Variants in GALNT14 observed in about 807,000 individuals in gnomAD.
GALNT14 encodes the protein UDP-GalNAc:polypeptide N-acetylgalactosaminyltransferase 14.
GALNT14 carries 60 observed loss-of-function variants against 77.5 expected under a neutral mutation model. The ratio of observed to expected loss-of-function variants is 0.77; its 90% CI spans 0.63 to 0.96. GALNT14 has a LOEUF of 0.96. Ranked by LOEUF, GALNT14 falls within the 40% of genes least tolerant of loss-of-function variation. The pLI, the probability that GALNT14 is intolerant of heterozygous loss-of-function variation, is 0.00. For synonymous variants in GALNT14, 280 were observed against 281.7 expected (o/e 0.99, Z 0.06); for missense variants, 710 against 731.0 (o/e 0.97, Z 0.33).
intron 1 of GALNT14, among the ~76,000 whole-genome samples, chr2:31,094,793 G>A (rs1676921633): frequency 6.6e-6 from 1 of 152,142 alleles, no homozygotes; most frequent in Admixed American, 6.5e-5. Context: ...CCAGATGAGG[G>A]GCAGGGAATA....
chr2:30,940,097 G>A lies in GALNT14; in HGVS notation c.931+2104C>T, dbSNP rs1472689758. ...GGTGGGATAAAATGAAGTGTTCCCTGTGATAGCTGTTGGCAGTGCTTTTTT... is the reference window on the plus strand; with the variant it reads ...GGTGGGATAAAATGAAGTGTTCCCTATGATAGCTGTTGGCAGTGCTTTTTT... On this transcript the variant is annotated intron_variant, in intron 9 of 14. Coordinates refer to ENST00000349752, the MANE Select transcript of GALNT14 (RefSeq NM_024572.4). Among the ~76,000 whole-genome samples the A allele has an allele frequency of 2.0e-5, 3 of 152,046 alleles. No individual in the cohort carries two copies. The East Asian group carries it at 5.8e-4, about 29-fold the overall frequency.
At chr2:31,087,159 G>A (rs1238424171) in intron 1 of GALNT14, among the ~76,000 whole-genome samples, 3 of 152,144 alleles carry the variant, frequency 2.0e-5, no homozygotes, top group East Asian at 3.9e-4. Flanking sequence ...AGCATTCCAG[G>A]CAGAAGACAC....
chr2:31,117,600 G>C (rs771821683), intron 1 of GALNT14, among the ~76,000 whole-genome samples: 3 of 152,168 alleles, frequency 2.0e-5, no homozygotes, highest in Non-Finnish European at 2.9e-5. Flanking sequence ...ATGACCATAG[G>C]TGTAGAACAC....
chr2:30,982,334 A>G (rs1669039402), intron 2 of GALNT14, among the ~76,000 whole-genome samples: 1 of 152,230 alleles, frequency 6.6e-6, no homozygotes, highest in Non-Finnish European at 1.5e-5. Context: ...ACAGAAACAC[A>G]TATGCCTGTT....
intron 1 of GALNT14, among the ~76,000 whole-genome samples, chr2:31,118,897 T>C: frequency 6.6e-6 from 1 of 152,152 alleles, no homozygotes; most frequent in East Asian, 1.9e-4. Context: ...CCATGGAAAA[T>C]GGAGTTCCCA....
chr2:31,088,885 G>C (rs1676591233), intron 1 of GALNT14, among the ~76,000 whole-genome samples: 2 of 152,180 alleles, frequency 1.3e-5, no homozygotes, highest in South Asian at 4.1e-4. Flanking sequence ...GGAGGGGCTG[G>C]CTTTAGATAA....
chr2:31,051,829 C>T (rs1030684673), intron 1 of GALNT14, among the ~76,000 whole-genome samples: 2 of 152,180 alleles, frequency 1.3e-5, no homozygotes, highest in Non-Finnish European at 2.9e-5. Flanking sequence ...TTCACATTGA[C>T]TGTCTTAGAG....
rs147391195 is a variant in GALNT14 at position 31,057,474 on chromosome 2, T to C, written c.130-64467A>G. ...GGTATATATATATATATACCTTGTGTAAATGTAAAGCTGGGCCAAGCCTGG... is the reference window on the plus strand; with the variant it reads ...GGTATATATATATATATACCTTGTGCAAATGTAAAGCTGGGCCAAGCCTGG... On this transcript the variant is annotated intron_variant, in intron 1 of 14. Coordinates refer to ENST00000349752, the MANE Select transcript of GALNT14 (RefSeq NM_024572.4). 2.2e-3 allele frequency among the ~76,000 whole-genome samples: 331 copies of C among 149,138 alleles called. 2 individuals are homozygous for C. Among genetic ancestry groups the C allele is most frequent in the African/African-American group, 7.9e-3 (314 of 39,840 alleles).
chr2:31,138,393 T>TGTCGCCGCC lies in GALNT14; in HGVS notation c.-308_-307insGGCGGCGAC. ...ATGTTCCCCACGCCGCCACCGCGGC[T>TGTCGCCGCC]GCCGCCGCCGCCGCCGCCGCCTTGC... is the stretch of plus-strand genomic sequence containing the variant. On this transcript the variant is annotated 5_prime_UTR_variant, in exon 1 of 15. Coordinates refer to ENST00000349752, the MANE Select transcript of GALNT14 (RefSeq NM_024572.4). 2.9e-6 allele frequency: 1 copy of TGTCGCCGCC among 341,156 alleles called. No individual in the cohort carries two copies. The highest frequency in any genetic ancestry group is 3.4e-5 in the South Asian group (1 of 29,048). The allele number at this position is 341,156 out of a possible 1,614,324, so 21.1% of individuals were successfully genotyped here.
At chr2:31,101,060 A>G (rs969598132) in intron 1 of GALNT14, among the ~76,000 whole-genome samples, 1 of 152,100 alleles carries the variant, frequency 6.6e-6, no homozygotes, top group African/African-American at 2.4e-5. Context: ...AAAAGATTGT[A>G]TCAAAGCATC....
chr2:30,909,145 A>G (rs887993036), downstream of GALNT14, among the ~76,000 whole-genome samples: 2 of 151,920 alleles, frequency 1.3e-5, no homozygotes, highest in Non-Finnish European at 2.9e-5. Flanking sequence ...GGACATAGGC[A>G]CGGGCAAGGA....
intron 1 of GALNT14, among the ~76,000 whole-genome samples, chr2:31,083,446 C>T (rs954466343): frequency 3.3e-5 from 5 of 152,174 alleles, no homozygotes; most frequent in African/African-American, 7.2e-5. Context: ...TCATTTCCTC[C>T]CATTCGTTCC....
chr2:31,009,451 C>T (rs893784742), intron 1 of GALNT14, among the ~76,000 whole-genome samples: 4 of 152,174 alleles, frequency 2.6e-5, no homozygotes, highest in African/African-American at 9.7e-5. Flanking sequence ...ATGGATTTAG[C>T]CCTGGTCCCT....
chr2:30,901,177 G>C, the GALNT14 span, among the ~76,000 whole-genome samples: 1 of 152,134 alleles, frequency 6.6e-6, no homozygotes, highest in Admixed American at 6.6e-5. Context: ...CACAAGCGGG[G>C]CACCTGGGAT....
intron 13 of GALNT14, among the ~76,000 whole-genome samples, chr2:30,921,104 G>A (rs573156465): frequency 5.3e-5 from 8 of 152,270 alleles, no homozygotes; most frequent in African/African-American, 1.9e-4. Flanking sequence ...GCTGGGATGG[G>A]CACTATTACC....
chr2:30,945,915 G>C (rs761700564), intron 6 of GALNT14, 45 bp from the exon 7 acceptor site: 1 of 1,558,458 alleles, frequency 6.4e-7, no homozygotes, highest in South Asian at 1.1e-5. Context: ...GAGGAGCCCA[G>C]CTGGGAGTCA....
Position 31,119,930 on chromosome 2 carries a change from G to C in GALNT14, c.129+18028C>G, listed in dbSNP as rs1047894935. Among the ~76,000 whole-genome samples the C allele has an allele frequency of 8.0e-5, 6 of 75,166 alleles. 2 individuals are homozygous for C. Among genetic ancestry groups the C allele is most frequent in the Non-Finnish European group, 2.3e-4 (6 of 25,874 alleles). The allele number at this position is 75,166 out of a possible 152,430, so 49.3% of individuals were successfully genotyped here. ...CCAGCACTTTGGGAGGCCGAGGCGG[G>C]CGGATCACGAGGTCAGGAGATCGAG... On this transcript the variant is annotated intron_variant, in intron 1 of 14. Transcript: ENST00000349752.
At chr2:31,063,358 T>A (rs970438955) in intron 1 of GALNT14, among the ~76,000 whole-genome samples, 7 of 152,188 alleles carry the variant, frequency 4.6e-5, no homozygotes, top group Non-Finnish European at 8.8e-5. Flanking sequence ...TTGTCAAACA[T>A]CAGATGGTTG....
intron 13 of GALNT14, among the ~76,000 whole-genome samples, chr2:30,917,198 G>A (rs1000559207): frequency 6.7e-6 from 1 of 150,016 alleles, no homozygotes; most frequent in Non-Finnish European, 1.5e-5. Context: ...GAAACAATCA[G>A]CCTGGAGCAG....
Sources: allele counts gnomAD v4.1 joint callset (sites outside exome capture counted in the v4.1 genomes callset), GRCh38; gene constraint gnomAD v4.1.1; transcripts MANE v1.5; gene names NCBI Gene and HGNC (gene_info 2026-07-23, HGNC 2026-07-21).